ANO3: variants seen among roughly 807,000 people sequenced by gnomAD.
The protein encoded by ANO3 is anoctamin-3.
In ANO3, 99 loss-of-function variants were observed where a neutral mutation model predicts 144.8. That is an observed-to-expected ratio of 0.68 (90% CI 0.58 to 0.81). The LOEUF (loss-of-function observed/expected upper bound fraction) is 0.81, where lower values mean the gene tolerates loss of function less well. Among genes scored for constraint, ANO3 ranks in the 30% least tolerant of loss-of-function variants. The pLI, the probability that ANO3 is intolerant of heterozygous loss-of-function variation, is 0.00. For missense variants in ANO3, 905 were observed against 1,202.2 expected (o/e 0.75, Z 3.66); for synonymous variants, 414 against 392.6 (o/e 1.05, Z -0.64).
intron 7 of ANO3, among the ~76,000 whole-genome samples, chr11:26,530,683 G>A (rs1437759637): frequency 6.6e-6 from 1 of 151,562 alleles, no homozygotes; most frequent in Non-Finnish European, 1.5e-5. Context: ...ACATGGTGAA[G>A]CCTCGTCTCT....
chr11:26,647,911 AGG>A, intron 24 of ANO3, 55 bp downstream of exon 24: 3 of 1,525,362 alleles, frequency 2.0e-6, no homozygotes, highest in Non-Finnish European at 2.7e-6. Flanking sequence ...TAATTAAAAT[AGG>A]ATCTTACTGG....
rs569534575 is a variant in ANO3, at chr11:26,476,235, A to G, written c.432+13087A>G. ...GCTTGTAGTCTAGTGGAGGAATAAG[A>G]AAATAAGCCTACATATAATTATCTA... is the stretch of plus-strand genomic sequence containing the variant. On this transcript the variant is annotated intron_variant, in intron 4 of 26. Transcript: ENST00000256737. Among the ~76,000 whole-genome samples the G allele has an allele frequency of 1.1e-3, 171 of 152,272 alleles. 2 individuals carry two copies. Among genetic ancestry groups the G allele is most frequent in the African/African-American group, 3.9e-3 (162 of 41,578 alleles).
intron 13 of ANO3, among the ~76,000 whole-genome samples, chr11:26,558,577 C>T (rs989571104): frequency 1.6e-4 from 25 of 152,182 alleles, no homozygotes; most frequent in African/African-American, 5.8e-4. Flanking sequence ...AATACCGTGC[C>T]TTAACCAACA....
At chr11:26,554,743 T>A (rs1467840482) in intron 13 of ANO3, among the ~76,000 whole-genome samples, 1 of 152,162 alleles carries the variant, frequency 6.6e-6, no homozygotes, top group Non-Finnish European at 1.5e-5. Context: ...CTTGCATACA[T>A]ACTCACTGAG....
chr11:26,624,393 A>T (rs544508798), intron 17 of ANO3, 69 bp from the exon 18 acceptor site: 1 of 1,089,840 alleles, frequency 9.2e-7, no homozygotes, highest in South Asian at 1.4e-5. Flanking sequence ...TGTTTCTTCA[A>T]ATAGTGTAAA....
chr11:26,600,036 G>A (rs2132931009), intron 17 of ANO3, among the ~76,000 whole-genome samples: 1 of 152,106 alleles, frequency 6.6e-6, no homozygotes, highest in East Asian at 1.9e-4. Flanking sequence ...ATAAAGAATT[G>A]TTTGGGCTTT....
intron 1 of ANO3, among the ~76,000 whole-genome samples, chr11:26,272,616 G>A (rs1173732504): frequency 6.6e-6 from 1 of 152,104 alleles, no homozygotes; most frequent in African/African-American, 2.4e-5. Context: ...GATGATTGTA[G>A]AAGATTTGGC....
At chr11:26,562,151 A>T (rs938544639) in intron 14 of ANO3, among the ~76,000 whole-genome samples, 1 of 151,954 alleles carries the variant, frequency 6.6e-6, no homozygotes, top group South Asian at 2.1e-4. Flanking sequence ...CAAGATTCAA[A>T]GGTTAAAAAA....
intron 1 of ANO3, among the ~76,000 whole-genome samples, chr11:26,400,843 A>AATATATAT (rs4033234): frequency 6.8e-6 from 1 of 147,990 alleles, no homozygotes; most frequent in East Asian, 2.0e-4. Flanking sequence ...TGCCTAGATG[A>AATATATAT]ATATATATAT....
chr11:26,321,885 A>T (rs994736850), intron 1 of ANO3, among the ~76,000 whole-genome samples: 1 of 151,802 alleles, frequency 6.6e-6, no homozygotes, highest in Admixed American at 6.6e-5. Flanking sequence ...TTTGTGAGAA[A>T]TTTTCTTCTA....
At chr11:26,395,521 C>A (rs544160312) in intron 1 of ANO3, among the ~76,000 whole-genome samples, 1 of 152,036 alleles carries the variant, frequency 6.6e-6, no homozygotes, top group South Asian at 2.1e-4. Flanking sequence ...TCCTAGATAT[C>A]TTATTGTCTT....
chr11:26,325,425 A>G (rs1291511700), intron 1 of ANO3, among the ~76,000 whole-genome samples: 1 of 152,190 alleles, frequency 6.6e-6, no homozygotes, highest in African/African-American at 2.4e-5. Flanking sequence ...GTTTTACTGA[A>G]TATTTTCCAA....
At chr11:26,531,061 C>T (rs1382475613) in intron 7 of ANO3, 144 bp from the exon 8 acceptor site, 2 of 777,114 alleles carry the variant, frequency 2.6e-6, no homozygotes, top group South Asian at 4.6e-5. Flanking sequence ...GGAACAGAAG[C>T]AATGCACGTG....
At chr11:26,347,511 A>G (rs1424486449) in intron 1 of ANO3, among the ~76,000 whole-genome samples, 1 of 152,204 alleles carries the variant, frequency 6.6e-6, no homozygotes, top group Non-Finnish European at 1.5e-5. Flanking sequence ...TAATCTCAGG[A>G]AGGAGTTCAT....
At chr11:26,537,540 C>A in intron 10 of ANO3, 79 bp downstream of exon 10, 1 of 1,203,636 alleles carries the variant, frequency 8.3e-7, no homozygotes, top group Non-Finnish European at 1.2e-6. Flanking sequence ...GCATTTGAAT[C>A]TAGCTGTCCA....
chr11:26,423,244 A>T (rs1473884734), intron 1 of ANO3, among the ~76,000 whole-genome samples: 2 of 151,496 alleles, frequency 1.3e-5, no homozygotes, highest in African/African-American at 4.8e-5. Context: ...GTCTTCACAG[A>T]TACTACTACC....
At chr11:26,495,857 A>G (rs1860916186) in intron 4 of ANO3, among the ~76,000 whole-genome samples, 1 of 152,198 alleles carries the variant, frequency 6.6e-6, no homozygotes, top group African/African-American at 2.4e-5. Flanking sequence ...CACATACATG[A>G]CTAATGGAGA....
intron 14 of ANO3, among the ~76,000 whole-genome samples, chr11:26,579,152 A>G (rs1851066178): frequency 6.6e-6 from 1 of 152,250 alleles, no homozygotes; most frequent in Non-Finnish European, 1.5e-5. Flanking sequence ...TACCACTGCT[A>G]GGAAAAGATC....
chr11:26,482,918 A>C (rs1860281258), intron 4 of ANO3, among the ~76,000 whole-genome samples: 1 of 152,190 alleles, frequency 6.6e-6, no homozygotes, highest in Non-Finnish European at 1.5e-5. Context: ...GCCGCAAAAG[A>C]CATGATTTCA....
Sources: gnomAD v4.1 joint callset for allele counts (sites outside exome capture counted in the v4.1 genomes callset) on GRCh38, gnomAD v4.1.1 for gene constraint, MANE v1.5 for transcripts, NCBI Gene and HGNC (gene_info 2026-07-23, HGNC 2026-07-21) for gene names.